Variants in CD36 observed in about 807,000 individuals in gnomAD.
CD36 encodes the protein platelet glycoprotein 4.
CD36 carries 119 observed loss-of-function variants against 55.2 expected under a neutral mutation model. That is an observed-to-expected ratio of 2.15 (90% confidence interval 1.86 to 2.51). The LOEUF is 2.51. Among genes scored for constraint, CD36 ranks in the 30% most tolerant of loss-of-function variants. CD36 has a pLI of 0.00. For synonymous variants in CD36, 186 were observed against 193.6 expected (o/e 0.96, Z 0.33); for missense variants, 819 against 555.5 (o/e 1.47, Z -4.77).
chr7:80,610,274 T>A (rs1792804182), intron 1 of CD36, among the ~76,000 whole-genome samples: 1 of 152,176 alleles, frequency 6.6e-6, no homozygotes, highest in Admixed American at 6.5e-5. Context: ...GTTTTCCTGA[T>A]CTATATTTGT....
At chr7:80,670,128 C>A (rs1584457682) in intron 9 of CD36, 106 bp downstream of exon 9, 1 of 773,588 alleles carries the variant, frequency 1.3e-6, no homozygotes, top group Non-Finnish European at 2.3e-6. Context: ...TGTTTATTAA[C>A]TAACTCTTTG....
rs535219485 is a variant in CD36, at chr7:80,663,330, G to A, written c.609+161G>A. The stretch of plus-strand genomic sequence containing the variant: ...AAGTCCACTTCTCATTATAGCTTCA[G>A]CTTTCCTAGTTGGGAAATTCATCTG... On this transcript the variant is annotated intron_variant, in intron 6 of 14. Coordinates refer to ENST00000447544, the MANE Select transcript of CD36 (RefSeq NM_001001548.3). Among the ~76,000 whole-genome samples, 137 of 152,190 alleles carry A rather than the reference G, an allele frequency of 9.0e-4. 1 individual carries two copies. The highest frequency in any genetic ancestry group is 3.3e-3 in the African/African-American group (135 of 41,532).
Position 80,671,953 on chromosome 7 carries a change from T to C in CD36, c.1038T>C (p.Phe346=). 6.2e-7 allele frequency: 1 copy of C among 1,611,438 alleles called. No homozygotes were observed. The highest frequency in any genetic ancestry group is 8.5e-7 in the Non-Finnish European group (1 of 1,178,122). The change falls in exon 11 of 15, where the codon TTT becomes TTC. Residue 346 remains phenylalanine (F), a synonymous_variant. Coordinates refer to ENST00000447544, the MANE Select transcript of CD36 (RefSeq NM_001001548.3). ...CTGTGTACATTTCACTTCCTCATTTTCTGTATGCAAGTCCTGATGTTTCAG... is the reference window on the plus strand; with the variant it reads ...CTGTGTACATTTCACTTCCTCATTTCCTGTATGCAAGTCCTGATGTTTCAG... ...GRPVYISLPH[F]LYASPDVSEP...
At chr7:80,649,314 T>C (rs1042780160) in intron 3 of CD36, among the ~76,000 whole-genome samples, 3 of 152,044 alleles carry the variant, frequency 2.0e-5, no homozygotes, top group South Asian at 2.1e-4. Flanking sequence ...CCTTGTATAC[T>C]ACTCTACAGC....
intron 1 of CD36, among the ~76,000 whole-genome samples, chr7:80,625,857 C>T (rs1388876467): frequency 2.6e-5 from 4 of 152,110 alleles, no homozygotes; most frequent in Non-Finnish European, 5.9e-5. Flanking sequence ...AAATATTTGT[C>T]TGCCCAATAC....
intron 3 of CD36, among the ~76,000 whole-genome samples, chr7:80,655,239 C>T (rs1054579987): frequency 6.6e-6 from 1 of 152,198 alleles, no homozygotes; most frequent in Admixed American, 6.5e-5. Context: ...CCCAATACTT[C>T]ATTAGAAATA....
intron 1 of CD36, among the ~76,000 whole-genome samples, chr7:80,617,188 T>C (rs1793210864): frequency 6.6e-6 from 1 of 152,088 alleles, no homozygotes; most frequent in African/African-American, 2.4e-5. Context: ...TTAAAATATA[T>C]GTGTCCTCAC....
intron 3 of CD36, among the ~76,000 whole-genome samples, chr7:80,647,491 G>A (rs747870904): frequency 6.6e-6 from 1 of 152,088 alleles, no homozygotes; most frequent in Non-Finnish European, 1.5e-5. Context: ...ATTGACTGTA[G>A]TGTGAAAAAA....
intron 7 of CD36, 101 bp downstream of exon 7, chr7:80,664,598 A>C: frequency 2.6e-6 from 2 of 765,914 alleles, no homozygotes; most frequent in Non-Finnish European, 4.8e-6. Context: ...CAACCTATAG[A>C]ACAGACCTGG....
intron 8 of CD36, 40 bp from the exon 9 acceptor site, chr7:80,669,913 C>T: frequency 2.1e-6 from 3 of 1,407,850 alleles, no homozygotes; most frequent in Non-Finnish European, 3.0e-6. Context: ...TTCTAGAACA[C>T]ACATTACATC....
chr7:80,621,431 T>G (rs1247558358), intron 1 of CD36, among the ~76,000 whole-genome samples: 1 of 152,202 alleles, frequency 6.6e-6, no homozygotes, highest in African/African-American at 2.4e-5. Flanking sequence ...CAATAATTTA[T>G]AGAATGCTTT....
At chr7:80,665,648 A>C (rs1797009653) in intron 7 of CD36, among the ~76,000 whole-genome samples, 1 of 152,104 alleles carries the variant, frequency 6.6e-6, no homozygotes, top group Admixed American at 6.5e-5. Flanking sequence ...AAGCACTCCT[A>C]GTTAGAGTAA....
intron 11 of CD36, 78 bp downstream of exon 11, chr7:80,672,118 A>G: frequency 1.7e-6 from 2 of 1,165,092 alleles, no homozygotes; most frequent in Non-Finnish European, 2.5e-6. Flanking sequence ...CTTGTCGATG[A>G]TTATTTATTC....
At chr7:80,660,322 G>A (rs1411088465) in intron 4 of CD36, among the ~76,000 whole-genome samples, 1 of 152,096 alleles carries the variant, frequency 6.6e-6, no homozygotes, top group African/African-American at 2.4e-5. Flanking sequence ...AGGGGCTGGG[G>A]AAGTTAGTCT....
At chr7:80,635,590 A>T (rs1325790994), upstream of CD36, among the ~76,000 whole-genome samples, 1 of 152,076 alleles carries the variant, frequency 6.6e-6, no homozygotes, top group Non-Finnish European at 1.5e-5. Flanking sequence ...TATTTGTTAA[A>T]CAAAAACTAT....
chr7:80,662,659 G>T (rs1796641771), intron 5 of CD36: 2 of 342,440 alleles, frequency 5.8e-6, no homozygotes, highest in Non-Finnish European at 1.1e-5. Context: ...ATGTGCCATG[G>T]TGCTTTGCTG....
intron 1 of CD36, among the ~76,000 whole-genome samples, chr7:80,610,045 C>G (rs1792789624): frequency 6.6e-6 from 1 of 152,136 alleles, no homozygotes; most frequent in South Asian, 2.1e-4. Context: ...AAAACAAGGA[C>G]TGGCAAGTGA....
At chr7:80,636,900 A>G (rs1179935204), upstream of CD36, 3 of 152,068 alleles carry the variant, frequency 2.0e-5, no homozygotes, top group African/African-American at 7.2e-5. Context: ...GTCTCTGGGA[A>G]TGTAAATTTG....
At chr7:80,669,014 A>G (rs1797392321) in intron 8 of CD36, among the ~76,000 whole-genome samples, 2 of 152,170 alleles carry the variant, frequency 1.3e-5, no homozygotes, top group Non-Finnish European at 2.9e-5. Context: ...CTGTTTAGTG[A>G]GAGAACTTTA....
Sources: allele counts gnomAD v4.1 joint callset (sites outside exome capture counted in the v4.1 genomes callset), GRCh38; gene constraint gnomAD v4.1.1; transcripts MANE v1.5; gene names NCBI Gene and HGNC (gene_info 2026-07-23, HGNC 2026-07-21).